Variants in RBPJ observed in about 807,000 individuals in gnomAD.
RBPJ encodes the protein recombination signal binding protein for immunoglobulin kappa J region.
In RBPJ, 9 loss-of-function variants were observed where a neutral mutation model predicts 67.8. The ratio of observed to expected loss-of-function variants is 0.13; its 90% CI spans 0.08 to 0.23. RBPJ has a LOEUF of 0.23. RBPJ is among the 10% of genes least tolerant of loss of function. The pLI is 1.00. For synonymous variants in RBPJ, 198 were observed against 203.3 expected, an observed-to-expected ratio of 0.97 and a Z score of 0.22; for missense variants, 305 against 595.6, an observed-to-expected ratio of 0.51 and a Z score of 5.08.
At chr4:26,394,640 G>T (rs907660827) in intron 2 of RBPJ, among the ~76,000 whole-genome samples, 1 of 152,180 alleles carries the variant, frequency 6.6e-6, no homozygotes, top group Non-Finnish European at 1.5e-5. Flanking sequence ...AGTGTGTCGA[G>T]TGGAGGTGCC....
upstream of RBPJ, among the ~76,000 whole-genome samples, chr4:26,316,494 T>C (rs1470476132): frequency 2.7e-5 from 2 of 74,908 alleles, no homozygotes; most frequent in East Asian, 5.0e-4. Context: ...TATTCATATA[T>C]ATATTCATAT....
At chr4:26,397,192 T>C (rs1214397980) in intron 2 of RBPJ, among the ~76,000 whole-genome samples, 4 of 152,222 alleles carry the variant, frequency 2.6e-5, no homozygotes, top group African/African-American at 9.6e-5. Context: ...GAGACACGCT[T>C]CTTTGTAAAC....
chr4:26,370,467 A>G (rs1469121179), intron 1 of RBPJ, among the ~76,000 whole-genome samples: 3 of 152,188 alleles, frequency 2.0e-5, no homozygotes, highest in Admixed American at 2.0e-4. Flanking sequence ...ATTGCTGGAG[A>G]TCTGAACATG....
At chr4:26,260,635 A>C (rs557396009) in intron 1 of RBPJ, among the ~76,000 whole-genome samples, 3 of 152,248 alleles carry the variant, frequency 2.0e-5, no homozygotes, top group Non-Finnish European at 4.4e-5. Flanking sequence ...ATGACTTATA[A>C]GGGAATGGAA....
intron 1 of RBPJ, among the ~76,000 whole-genome samples, chr4:26,195,257 C>G (rs749172895): frequency 6.6e-6 from 1 of 152,114 alleles, no homozygotes; most frequent in Non-Finnish European, 1.5e-5. Flanking sequence ...GTAGTCCTAC[C>G]TACTTGGGAG....
At chr4:26,365,820 A>G (rs576473945) in intron 1 of RBPJ, among the ~76,000 whole-genome samples, 2 of 152,292 alleles carry the variant, frequency 1.3e-5, no homozygotes, top group East Asian at 3.9e-4. Context: ...AAAGGTTGTT[A>G]GAGAGTATCT....
chr4:26,166,875 T>C (rs1328190183), intron 1 of RBPJ, among the ~76,000 whole-genome samples: 1 of 152,234 alleles, frequency 6.6e-6, no homozygotes, highest in East Asian at 1.9e-4. Context: ...CTTTAATCCA[T>C]CTTGAATTAA....
At chr4:26,316,695 G>GTA (rs1164887602), upstream of RBPJ, among the ~76,000 whole-genome samples, 21 of 125,528 alleles carry the variant, frequency 1.7e-4, 1 homozygote, top group African/African-American at 7.1e-4. Flanking sequence ...TACACATATT[G>GTA]TGTATATATA....
chr4:26,199,732 T>C (rs1263547473), intron 1 of RBPJ, among the ~76,000 whole-genome samples: 5 of 152,188 alleles, frequency 3.3e-5, no homozygotes, highest in South Asian at 2.1e-4. Flanking sequence ...TGGTTTCTTT[T>C]TGGGGGTGTT....
At chr4:26,246,126 G>A (rs1477837405) in intron 1 of RBPJ, among the ~76,000 whole-genome samples, 5 of 152,146 alleles carry the variant, frequency 3.3e-5, no homozygotes, top group Non-Finnish European at 7.4e-5. Context: ...GATAGGCATT[G>A]TTTTGAGTCT....
At chr4:26,386,710 T>C (rs1031936241) in intron 2 of RBPJ, among the ~76,000 whole-genome samples, 1 of 152,214 alleles carries the variant, frequency 6.6e-6, no homozygotes, top group African/African-American at 2.4e-5. Context: ...AATTTGTTGA[T>C]TGCAGGTAAG....
the RBPJ span, chr4:26,113,358 A>T: frequency 1.8e-6 from 1 of 547,176 alleles, no homozygotes; most frequent in Non-Finnish European, 3.6e-6. Flanking sequence ...TTGTGGGAGA[A>T]GTCAAACTTC....
At chr4:26,355,735 A>G (rs1727305722) in intron 1 of RBPJ, among the ~76,000 whole-genome samples, 1 of 152,212 alleles carries the variant, frequency 6.6e-6, no homozygotes, top group Non-Finnish European at 1.5e-5. Flanking sequence ...ACGTAAGTGA[A>G]GACAGTCTGG....
intron 4 of RBPJ, among the ~76,000 whole-genome samples, chr4:26,417,595 A>AGACT (rs1274886109): frequency 6.6e-6 from 1 of 152,228 alleles, no homozygotes; most frequent in Non-Finnish European, 1.5e-5. Flanking sequence ...ATGTAAAGCA[A>AGACT]GACTGGTGAG....
Position 26,259,620 on chromosome 4 carries a change from G to A in RBPJ, c.-167+96006G>A, listed in dbSNP as rs113592267. Among the ~76,000 whole-genome samples the A allele has an allele frequency of 2.9e-3, 435 of 152,246 alleles. 4 individuals carry two copies. The highest frequency in any genetic ancestry group is 0.01 in the African/African-American group (419 of 41,530). ...CTGCTGTTGTCTATAGTCAATCCAG[G>A]TGCACCAGTTGTGCCACTCAGACAG... is the stretch of plus-strand genomic sequence containing the variant. On this transcript the variant is annotated intron_variant, in intron 1 of 4. Coordinates refer to the RBPJ transcript ENST00000512351.
At chr4:26,428,503 G>A in intron 7 of RBPJ, 2 of 464,218 alleles carry the variant, frequency 4.3e-6, no homozygotes, top group African/African-American at 4.0e-5. Context: ...TCAGGGAAGA[G>A]GGTAACAGTT....
At chr4:26,404,686 T>C (rs144729474) in intron 2 of RBPJ, among the ~76,000 whole-genome samples, 444 of 152,336 alleles carry the variant, frequency 2.9e-3, no homozygotes, top group Non-Finnish European at 4.3e-3. Context: ...GTTCAAGGCC[T>C]GGCACATAGT....
chr4:26,212,583 G>A (rs1369265779), intron 1 of RBPJ, among the ~76,000 whole-genome samples: 1 of 151,536 alleles, frequency 6.6e-6, no homozygotes, highest in Non-Finnish European at 1.5e-5. Flanking sequence ...TCTCCCCAAG[G>A]CAGGACTTTA....
chr4:26,363,665 C>G (rs1386407783), intron 1 of RBPJ, among the ~76,000 whole-genome samples: 1 of 152,204 alleles, frequency 6.6e-6, no homozygotes, highest in Admixed American at 6.5e-5. Context: ...TCTCGAACTC[C>G]TGACCTCAGG....
Sources: gnomAD v4.1 joint callset for allele counts (sites outside exome capture counted in the v4.1 genomes callset) on GRCh38, gnomAD v4.1.1 for gene constraint, MANE v1.5 for transcripts, NCBI Gene and HGNC (gene_info 2026-07-23, HGNC 2026-07-21) for gene names.